Variants in DRC1 observed in about 807,000 individuals in gnomAD.
DRC1 encodes dynein regulatory complex protein 1.
DRC1 carries 74 observed loss-of-function variants against 98.7 expected under a neutral mutation model. That is an observed-to-expected ratio of 0.75 (90% CI 0.62 to 0.91). The LOEUF (loss-of-function observed/expected upper bound fraction) is 0.91, where lower values mean the gene tolerates loss of function less well. DRC1 is among the 40% of genes least tolerant of loss of function. The probability of loss-of-function intolerance (pLI) is 0.00; values close to 1 mark genes in which losing one functional copy is unlikely to be tolerated. For synonymous variants in DRC1, 336 were observed against 334.1 expected, an observed-to-expected ratio of 1.01 and a Z score of -0.06; for missense variants, 875 against 886.0, an observed-to-expected ratio of 0.99 and a Z score of 0.16.
intron 7 of DRC1, among the ~76,000 whole-genome samples, chr2:26,439,878 A>G (rs1468226171): frequency 7.4e-6 from 1 of 135,384 alleles, no homozygotes; most frequent in African/African-American, 2.7e-5. Context: ...ACATGACTTG[A>G]ACAATTTATC....
In DRC1 at chr2:26,450,633, G is replaced by A; in HGVS notation, c.1641G>A (p.Val547=). The change falls in exon 13 of 17, where the codon GTG becomes GTA. Residue 547 remains valine (V), a synonymous_variant. Coordinates refer to ENST00000288710, the MANE Select transcript of DRC1 (RefSeq NM_145038.5). Reference sequence around the variant, plus strand: ...GTGAGGATGACTTGTATAAACTGGTGAACTTCTTCCTTAAATATCGAGCTC... The same window carrying A: ...GTGAGGATGACTTGTATAAACTGGTAAACTTCTTCCTTAAATATCGAGCTC... The part of the protein sequence containing the change: ...IESEDDLYKL[V]NFFLKYRAHR... 1 of 1,611,548 alleles carries A rather than the reference G, an allele frequency of 6.2e-7. No individual in the cohort carries two copies. Among genetic ancestry groups the A allele is most frequent in the South Asian group, 1.1e-5 (1 of 90,838 alleles).
chr2:26,409,009 T>C lies in DRC1; in HGVS notation c.156-5335T>C, dbSNP rs76880226. ...GTGCAGTGGTTTGATCATAGCTTAG[T>C]ATAACCTTGAATCCTGGGCTCAAGC... On this transcript the variant is annotated intron_variant, in intron 1 of 16. Coordinates refer to ENST00000288710, the MANE Select transcript of DRC1 (RefSeq NM_145038.5). Among the ~76,000 whole-genome samples, 936 of 152,138 alleles carry C rather than the reference T, an allele frequency of 6.2e-3. 11 individuals carry two copies. Among genetic ancestry groups the C allele is most frequent in the African/African-American group, 0.021 (877 of 41,522 alleles).
Position 26,440,452 on chromosome 2 carries a change from G to T in DRC1, c.963G>T (p.Gln321His), listed in dbSNP as rs747446719. Residue 321 changes from glutamine (Q) to histidine (H), a missense_variant, in exon 8 of 17, where the codon CAG becomes CAT. By Grantham distance (24) the Gln-to-His change is conservative. Coordinates refer to ENST00000288710, the MANE Select transcript of DRC1 (RefSeq NM_145038.5). ...LNQEKLEYNL[Q>H]VLKKRDEEST... ...AAGAGAAATTAGAGTACAACTTGCA[G>T]GTGCTGAAGAAGAGAGATGAAGAAA... 6.2e-6 allele frequency: 10 copies of T among 1,613,248 alleles called. No individual in the cohort carries two copies. In the Admixed American group the frequency reaches 1.5e-4, roughly 24 times the overall value.
chr2:26,443,855 A>T (rs1478300201), intron 8 of DRC1, among the ~76,000 whole-genome samples: 1 of 152,244 alleles, frequency 6.6e-6, no homozygotes, highest in African/African-American at 2.4e-5. Flanking sequence ...CCAAGTCATG[A>T]CAATGAAATC....
chr2:26,431,991 G>A lies in DRC1; in HGVS notation c.873G>A (p.Leu291=). The A allele has an allele frequency of 6.2e-7, 1 of 1,614,062 alleles. No homozygotes were observed. The highest frequency in any genetic ancestry group is 8.5e-7 in the Non-Finnish European group (1 of 1,179,936). ...CEEYNMIKIK[L]EQDVQILEQQ... Reference sequence around the variant, plus strand: ...AATACAACATGATCAAGATCAAGCTGGAGCAGGATGTGCAGGTGCAACAGC... The same window carrying A: ...AATACAACATGATCAAGATCAAGCTAGAGCAGGATGTGCAGGTGCAACAGC... Residue 291 remains leucine (L), a synonymous_variant, in exon 7 of 17, where the codon CTG becomes CTA. Coordinates refer to ENST00000288710, the MANE Select transcript of DRC1 (RefSeq NM_145038.5).
chr2:26,437,574 A>G (rs1372742605), intron 7 of DRC1, among the ~76,000 whole-genome samples: 1 of 152,180 alleles, frequency 6.6e-6, no homozygotes, highest in Non-Finnish European at 1.5e-5. Context: ...TTGGAAAGCA[A>G]TTTATTGAGA....
chr2:26,417,272 G>A (rs1234436323), intron 2 of DRC1, among the ~76,000 whole-genome samples: 1 of 151,690 alleles, frequency 6.6e-6, no homozygotes, highest in African/African-American at 2.4e-5. Flanking sequence ...TTGATGTCTG[G>A]TAAGGTAAGT....
chr2:26,418,615 TATATA>T (rs1461108865), intron 2 of DRC1, among the ~76,000 whole-genome samples: 1,166 of 97,034 alleles, frequency 0.012, 29 homozygotes, highest in African/African-American at 0.047. Flanking sequence ...ATATAAATTA[TATATA>T]ATATAAATTA....
chr2:26,416,859 C>T (rs540526768), intron 2 of DRC1, among the ~76,000 whole-genome samples: 3 of 152,240 alleles, frequency 2.0e-5, no homozygotes, highest in East Asian at 1.9e-4. Context: ...TTAATTGGCT[C>T]ATGGTTCTGC....
chr2:26,413,421 C>T (rs1186743339), intron 1 of DRC1, among the ~76,000 whole-genome samples: 1 of 152,128 alleles, frequency 6.6e-6, no homozygotes, highest in Non-Finnish European at 1.5e-5. Context: ...CAAATCTTGC[C>T]GAATTGCCTT....
At chr2:26,447,563 C>A (rs554223467) in intron 10 of DRC1, among the ~76,000 whole-genome samples, 3 of 151,524 alleles carry the variant, frequency 2.0e-5, no homozygotes, top group Non-Finnish European at 2.9e-5. Context: ...GTTTTTTGTT[C>A]GTTTGTTTTA....
At chr2:26,403,101 C>T (rs1434547489) in intron 1 of DRC1, among the ~76,000 whole-genome samples, 1 of 152,202 alleles carries the variant, frequency 6.6e-6, no homozygotes, top group Non-Finnish European at 1.5e-5. Flanking sequence ...AAATAGCCTT[C>T]TTTTGATAAA....
Position 26,454,778 on chromosome 2 carries a change from TGGAGAA to T in DRC1, c.2053_2058del (p.Glu685_Lys686del), listed in dbSNP as rs1351700094. 9 of 1,614,048 alleles carry T rather than the reference TGGAGAA, an allele frequency of 5.6e-6. No homozygotes were observed. The highest frequency in any genetic ancestry group is 7.6e-6 in the Non-Finnish European group (9 of 1,179,956). ...CTCTGGGATGCCCTCTACACAGCCT[TGGAGAA>T]GTACCAGTAAGTGTGCATGTCATGG... is the stretch of plus-strand genomic sequence containing the variant. On this transcript the variant is annotated inframe_deletion, in exon 15 of 17. Transcript: ENST00000288710. The surrounding 1 kb of genome is among the most constrained non-coding windows in gnomAD (Gnocchi z 5.2).
At chr2:26,418,615 T>C (rs1380687164) in intron 2 of DRC1, among the ~76,000 whole-genome samples, 5 of 97,542 alleles carry the variant, frequency 5.1e-5, no homozygotes, top group Non-Finnish European at 8.9e-5. Context: ...ATATAAATTA[T>C]ATATAATATA....
intron 7 of DRC1, among the ~76,000 whole-genome samples, chr2:26,439,936 T>TATATATATATATATATATATACACAC (rs548209014): frequency 2.8e-4 from 21 of 75,494 alleles, no homozygotes; most frequent in African/African-American, 7.8e-4. Flanking sequence ...TATATATATA[T>TATATATATATATATATATATACACAC]ACACACACAC....
intron 2 of DRC1, 194 bp from the exon 3 acceptor site, chr2:26,421,094 C>A: frequency 2.3e-6 from 1 of 438,334 alleles, no homozygotes; most frequent in Non-Finnish European, 4.2e-6. Flanking sequence ...AAATTGTGAG[C>A]TGTAAAATCA....
At chr2:26,419,942 A>G (rs1181381252) in intron 2 of DRC1, among the ~76,000 whole-genome samples, 7 of 152,208 alleles carry the variant, frequency 4.6e-5, no homozygotes, top group African/African-American at 1.7e-4. Context: ...CTGCCTTAGA[A>G]TCCATGTAAT....
At chr2:26,435,545 G>A (rs536555870) in intron 7 of DRC1, among the ~76,000 whole-genome samples, 2 of 152,098 alleles carry the variant, frequency 1.3e-5, no homozygotes, top group Non-Finnish European at 2.9e-5. Flanking sequence ...TACTCGATAG[G>A]TAGTTTTTTG....
At chr2:26,431,369 A>C (rs1663433871) in intron 6 of DRC1, among the ~76,000 whole-genome samples, 2 of 152,136 alleles carry the variant, frequency 1.3e-5, no homozygotes, top group Non-Finnish European at 1.5e-5. Flanking sequence ...GGTGGTGGTG[A>C]GTACCACCCG....
Sources: gnomAD v4.1 joint callset for allele counts (sites outside exome capture counted in the v4.1 genomes callset) on GRCh38, gnomAD v4.1.1 for gene constraint, Gnocchi (gnomAD v3.1) non-coding constraint, MANE v1.5 for transcripts, NCBI Gene and HGNC (gene_info 2026-07-23, HGNC 2026-07-21) for gene names.